CLNK: variants seen among roughly 807,000 people sequenced by gnomAD.
CLNK encodes cytokine-dependent hematopoietic cell linker.
In CLNK, 74 loss-of-function variants were observed where a neutral mutation model predicts 68.6. That is an observed-to-expected ratio of 1.08 (90% CI 0.89 to 1.31). CLNK has a LOEUF of 1.31. Ranked by LOEUF, CLNK falls within the 50% of genes most tolerant of loss-of-function variation. The pLI, the probability that CLNK is intolerant of heterozygous loss-of-function variation, is 0.00. For synonymous variants in CLNK, 198 were observed against 172.2 expected (o/e 1.15, Z -1.17); for missense variants, 553 against 515.3 (o/e 1.07, Z -0.71).
intron 3 of CLNK, among the ~76,000 whole-genome samples, chr4:10,591,795 G>A (rs1351466622): frequency 6.6e-6 from 1 of 152,250 alleles, no homozygotes; most frequent in African/African-American, 2.4e-5. Flanking sequence ...TCACTCTGAG[G>A]TGGAATCAGG....
At chr4:10,543,527 T>C (rs1201432553) in intron 8 of CLNK, among the ~76,000 whole-genome samples, 1 of 152,178 alleles carries the variant, frequency 6.6e-6, no homozygotes, top group East Asian at 1.9e-4. Context: ...AGTCCCGTGG[T>C]GCCTGGGCGC....
chr4:10,509,340 G>C (rs528186384), intron 16 of CLNK, among the ~76,000 whole-genome samples: 3 of 152,202 alleles, frequency 2.0e-5, no homozygotes, highest in Admixed American at 2.0e-4. Flanking sequence ...CAACCCTGCA[G>C]CCTCACTTCC....
chr4:10,502,827 G>T (rs1004825359), intron 17 of CLNK, among the ~76,000 whole-genome samples: 1 of 152,002 alleles, frequency 6.6e-6, no homozygotes, highest in Non-Finnish European at 1.5e-5. Context: ...AGACAGAAAA[G>T]GCCCGGAGAT....
chr4:10,553,329 C>G (rs1560213574), intron 8 of CLNK, among the ~76,000 whole-genome samples: 3 of 152,242 alleles, frequency 2.0e-5, no homozygotes, highest in Middle Eastern at 3.4e-3. Flanking sequence ...CGTGCCATAT[C>G]CCCCTCTTGG....
At chr4:10,569,993 C>T (rs1220723993) in intron 5 of CLNK, among the ~76,000 whole-genome samples, 1 of 152,118 alleles carries the variant, frequency 6.6e-6, no homozygotes, top group East Asian at 1.9e-4. Context: ...AGCAAAGCTG[C>T]TAGTATGTGT....
intron 2 of CLNK, among the ~76,000 whole-genome samples, chr4:10,655,063 T>C (rs562247991): frequency 5.2e-5 from 7 of 135,110 alleles, no homozygotes; most frequent in African/African-American, 1.7e-4. Context: ...ATCACACCAC[T>C]GCACTCCAGT....
At chr4:10,567,421 A>C (rs1720165334) in intron 5 of CLNK, among the ~76,000 whole-genome samples, 1 of 152,188 alleles carries the variant, frequency 6.6e-6, no homozygotes, top group African/African-American at 2.4e-5. Flanking sequence ...TTTTTATATC[A>C]TATGCAAAAA....
chr4:10,643,524 A>G (rs1052329021), intron 2 of CLNK, among the ~76,000 whole-genome samples: 2 of 152,208 alleles, frequency 1.3e-5, no homozygotes, highest in Non-Finnish European at 2.9e-5. Flanking sequence ...TTCCACAAGG[A>G]TAGGTGCTGA....
At chr4:10,505,802 A>G (rs1717266713) in intron 17 of CLNK, among the ~76,000 whole-genome samples, 1 of 152,210 alleles carries the variant, frequency 6.6e-6, no homozygotes, top group Non-Finnish European at 1.5e-5. Flanking sequence ...ACATCTGCAA[A>G]GTCCCCTTTT....
chr4:10,663,427 T>C (rs1724270156), intron 2 of CLNK, among the ~76,000 whole-genome samples: 1 of 152,224 alleles, frequency 6.6e-6, no homozygotes, highest in South Asian at 2.1e-4. Context: ...TGGCTAATGC[T>C]CTTTGAGGGC....
chr4:10,598,430 A>G (rs1721465527), intron 2 of CLNK, among the ~76,000 whole-genome samples: 1 of 152,312 alleles, frequency 6.6e-6, no homozygotes, highest in African/African-American at 2.4e-5. Context: ...CACATGGTTG[A>G]TGAGAGGCTG....
At chr4:10,681,437 A>G (rs1577218315) in intron 1 of CLNK, among the ~76,000 whole-genome samples, 4 of 152,286 alleles carry the variant, frequency 2.6e-5, no homozygotes, top group East Asian at 3.9e-4. Flanking sequence ...GAAATTGAAC[A>G]CAGAACCTAC....
At chr4:10,590,865 G>C (rs1721156377) in intron 3 of CLNK, among the ~76,000 whole-genome samples, 1 of 152,128 alleles carries the variant, frequency 6.6e-6, no homozygotes, top group South Asian at 2.1e-4. Flanking sequence ...AGCAATTCTT[G>C]GTGGAAAGCA....
intron 3 of CLNK, among the ~76,000 whole-genome samples, chr4:10,595,799 G>A (rs6853762): frequency 0.71 from 108,193 of 152,044 alleles, 38,940 homozygotes; most frequent in East Asian, 0.78. Flanking sequence ...CTTTCCTGTA[G>A]AAAGGAGACT....
At chr4:10,505,078 G>A (rs1444227234) in intron 17 of CLNK, among the ~76,000 whole-genome samples, 1 of 152,106 alleles carries the variant, frequency 6.6e-6, no homozygotes, top group Non-Finnish European at 1.5e-5. Context: ...TAGTTCTTCC[G>A]ACGGAAAACA....
chr4:10,667,336 T>C (rs1303775639), intron 2 of CLNK, among the ~76,000 whole-genome samples: 1 of 151,890 alleles, frequency 6.6e-6, no homozygotes, highest in Non-Finnish European at 1.5e-5. Flanking sequence ...TCTTTTTTTT[T>C]CACTATAAAT....
intron 1 of CLNK, among the ~76,000 whole-genome samples, chr4:10,683,525 T>C (rs1725165541): frequency 6.6e-6 from 1 of 152,234 alleles, no homozygotes; most frequent in African/African-American, 2.4e-5. Flanking sequence ...TTCTGAATTC[T>C]GTTACTGACA....
chr4:10,658,938 G>T (rs2108887436), intron 2 of CLNK, among the ~76,000 whole-genome samples: 1 of 152,272 alleles, frequency 6.6e-6, no homozygotes, highest in East Asian at 1.9e-4. Context: ...CACAGTTTTT[G>T]CTATTAAAAG....
In CLNK at chr4:10,490,350, T is replaced by C; in HGVS notation, c.*117A>G. On this transcript the variant is annotated 3_prime_UTR_variant, in exon 19 of 19. Coordinates refer to ENST00000226951, the MANE Select transcript of CLNK (RefSeq NM_052964.4). The stretch of plus-strand genomic sequence containing the variant: ...TCCACTCTCTGTTATAGAGTGTTTT[T>C]CTTTTCTCCAAAGTTAAAAAAGTTG... 9.0e-7 allele frequency: 1 copy of C among 1,111,952 alleles called. No homozygotes were observed. Among genetic ancestry groups the C allele is most frequent in the East Asian group, 2.6e-5 (1 of 38,556 alleles). 68.9% of individuals were successfully genotyped at this position (1,111,952 alleles called of 1,614,324 possible). A position where few individuals can be genotyped will look rare whatever the true frequency, so the allele number is the denominator to read the frequency against.
Sources: allele counts gnomAD v4.1 joint callset (sites outside exome capture counted in the v4.1 genomes callset), GRCh38; gene constraint gnomAD v4.1.1; transcripts MANE v1.5; gene names NCBI Gene and HGNC (gene_info 2026-07-23, HGNC 2026-07-21).